FGF13: variants seen among roughly 807,000 people sequenced by gnomAD.
FGF13 encodes fibroblast growth factor homologous factor 2.
Under a neutral mutation model 19.5 loss-of-function variants are expected in FGF13, and 2 were observed. That is an observed-to-expected ratio of 0.10 (90% CI 0.04 to 0.32). FGF13 has a LOEUF of 0.32. Among genes scored for constraint, FGF13 ranks in the 10% least tolerant of loss-of-function variants. The pLI, the probability that FGF13 is intolerant of heterozygous loss-of-function variation, is 1.00. For missense variants in FGF13, 113 were observed against 192.7 expected (o/e 0.59, Z 2.45); for synonymous variants, 72 against 76.9 (o/e 0.94, Z 0.33).
At chrX:139,043,376 T>A (rs1247390440) in intron 1 of FGF13, among the ~76,000 whole-genome samples, 1 of 110,704 alleles carries the variant, frequency 9.0e-6, no homozygotes, top group Admixed American at 9.6e-5. Context: ...CACACCCATC[T>A]AATTTTTGTA....
intron 1 of FGF13, among the ~76,000 whole-genome samples, chrX:139,015,244 G>A (rs1251249220): frequency 9.0e-6 from 1 of 110,775 alleles, no homozygotes; most frequent in African/African-American, 3.3e-5. Flanking sequence ...AGAAATAAAG[G>A]GCATCCAAGT....
intron 1 of FGF13, among the ~76,000 whole-genome samples, chrX:138,908,890 T>C: frequency 8.9e-6 from 1 of 112,309 alleles, no homozygotes; most frequent in Non-Finnish European, 1.9e-5. Flanking sequence ...ATGTCTTTAT[T>C]TCAAATTCTG....
At chrX:138,909,029 C>G (rs754014089) in intron 1 of FGF13, among the ~76,000 whole-genome samples, 12 of 112,004 alleles carry the variant, frequency 1.1e-4, no homozygotes, top group African/African-American at 3.6e-4. Context: ...CAGAGAAACA[C>G]AGCAATGTAC....
intron 1 of FGF13, among the ~76,000 whole-genome samples, chrX:139,009,735 T>TA (rs2092120020): frequency 9.0e-6 from 1 of 111,101 alleles, no homozygotes; most frequent in Non-Finnish European, 1.9e-5. Flanking sequence ...TATATAACAA[T>TA]AACACAATGA....
chrX:138,754,550 C>A (rs2090419892), intron 3 of FGF13, among the ~76,000 whole-genome samples: 1 of 111,195 alleles, frequency 9.0e-6, no homozygotes, highest in Non-Finnish European at 1.9e-5. Context: ...CTTCACCAGT[C>A]TCAGGACCTG....
chrX:138,682,454 G>A (rs775812061), intron 3 of FGF13, among the ~76,000 whole-genome samples: 1 of 111,701 alleles, frequency 9.0e-6, no homozygotes, highest in African/African-American at 3.2e-5. Context: ...TCAGAGGGGT[G>A]TGTGTGTGTG....
chrX:139,060,189 A>G (rs768577403), intron 1 of FGF13, among the ~76,000 whole-genome samples: 2 of 111,436 alleles, frequency 1.8e-5, no homozygotes, highest in East Asian at 2.8e-4. Flanking sequence ...AGCCTTCCAA[A>G]TCACTAAAAT....
intron 1 of FGF13, among the ~76,000 whole-genome samples, chrX:139,034,385 G>A (rs1435525584): frequency 9.0e-6 from 1 of 111,434 alleles, no homozygotes; most frequent in Non-Finnish European, 1.9e-5. Flanking sequence ...GGTGAATGGG[G>A]GAAGTGGGGA....
In FGF13 at chrX:138,621,829, T is replaced by G. The variant is rs749654610; in HGVS notation, c.*11021A>C. ...ACTATTATGAACAATTATACACAAG[T>G]TGGGTAATCTAGAAGAAACAGATAA... On this transcript the variant is annotated 3_prime_UTR_variant, in exon 5 of 5. Coordinates refer to ENST00000315930, the MANE Select transcript of FGF13 (RefSeq NM_004114.5). 9.0e-6 allele frequency: 1 copy of G among 110,985 alleles called. No individual in the cohort carries two copies. The highest frequency in any genetic ancestry group is 1.9e-5 in the Non-Finnish European group (1 of 52,855). 9.1% of individuals were successfully genotyped at this position (110,985 alleles called of 1,213,427 possible). A position where few individuals can be genotyped will look rare whatever the true frequency, so the allele number is the denominator to read the frequency against.
intron 1 of FGF13, among the ~76,000 whole-genome samples, chrX:138,901,854 G>T (rs916037013): frequency 4.5e-5 from 5 of 111,751 alleles, no homozygotes; most frequent in Non-Finnish European, 7.5e-5. Context: ...TAGGATGTAA[G>T]AAAAAAACGG....
chrX:138,970,775 T>C (rs916966796), intron 1 of FGF13, among the ~76,000 whole-genome samples: 9 of 111,095 alleles, frequency 8.1e-5, no homozygotes, highest in African/African-American at 2.6e-4. Context: ...TTATTCTCCA[T>C]ACTTTTTTCA....
chrX:138,951,134 G>A (rs1191343770), intron 1 of FGF13, among the ~76,000 whole-genome samples: 1 of 111,548 alleles, frequency 9.0e-6, no homozygotes, highest in African/African-American at 3.3e-5. Flanking sequence ...AGGTCACGCT[G>A]CTGGGACTGG....
intron 1 of FGF13, among the ~76,000 whole-genome samples, chrX:139,122,493 T>C (rs184965720): frequency 9.0e-6 from 1 of 111,622 alleles, no homozygotes; most frequent in African/African-American, 3.3e-5. Flanking sequence ...CCAAATCCAA[T>C]AGGCAATTCT....
intron 1 of FGF13, among the ~76,000 whole-genome samples, chrX:139,195,070 G>C (rs2084361453): frequency 8.9e-6 from 1 of 111,976 alleles, no homozygotes; most frequent in African/African-American, 3.3e-5. Flanking sequence ...TTTTTAGGCA[G>C]CTGCCACATC....
chrX:138,625,502 T>C lies in FGF13; in HGVS notation c.*7348A>G, dbSNP rs771994123. On this transcript the variant is annotated 3_prime_UTR_variant, in exon 5 of 5. Transcript: ENST00000315930. ...TATATATAATATATATATATACATA[T>C]ATATATATAATATAATATATATATA... 1.1e-5 allele frequency: 1 copy of C among 90,935 alleles called. No homozygotes were observed. Among genetic ancestry groups the C allele is most frequent in the Non-Finnish European group, 2.0e-5 (1 of 50,059 alleles). The allele number at this position is 90,935 out of a possible 1,213,427, so 7.5% of individuals were successfully genotyped here.
chrX:139,099,385 A>G (rs1412949929), intron 1 of FGF13, among the ~76,000 whole-genome samples: 1 of 108,103 alleles, frequency 9.3e-6, no homozygotes, highest in Non-Finnish European at 1.9e-5. Context: ...CTCAAAAAAA[A>G]AAAAAAAAAA....
chrX:139,202,749 A>G (rs748971816), intron 1 of FGF13, among the ~76,000 whole-genome samples: 2 of 111,428 alleles, frequency 1.8e-5, no homozygotes, highest in East Asian at 5.7e-4. Context: ...AGGAGAGGAG[A>G]ACAAGGAATA....
chrX:138,671,215 G>A (rs1220043139), intron 3 of FGF13, among the ~76,000 whole-genome samples: 1 of 111,165 alleles, frequency 9.0e-6, no homozygotes, highest in Non-Finnish European at 1.9e-5. Context: ...TGGACTATAG[G>A]AGTTCAATAT....
At chrX:138,941,777 C>T (rs377101705) in intron 1 of FGF13, among the ~76,000 whole-genome samples, 3,429 of 111,528 alleles carry the variant, frequency 0.031, 59 homozygotes, top group Non-Finnish European at 0.05. Context: ...GCATCTCATT[C>T]CTCTGAAAAA....
Sources: allele counts gnomAD v4.1 joint callset (sites outside exome capture counted in the v4.1 genomes callset), GRCh38; gene constraint gnomAD v4.1.1; transcripts MANE v1.5; gene names NCBI Gene and HGNC (gene_info 2026-07-23, HGNC 2026-07-21).